GRK5: variants seen among roughly 807,000 people sequenced by gnomAD.
GRK5 encodes G protein-coupled receptor kinase 5, also known as g protein-coupled receptor kinase GRK5.
GRK5 carries 40 observed loss-of-function variants against 78.4 expected under a neutral mutation model. That is an observed-to-expected ratio of 0.51 (90% CI 0.40 to 0.66). The LOEUF (loss-of-function observed/expected upper bound fraction) is 0.66. GRK5 is among the 30% of genes least tolerant of loss of function. The pLI, the probability that GRK5 is intolerant of heterozygous loss-of-function variation, is 0.00. For missense variants in GRK5, 598 were observed against 759.9 expected, an observed-to-expected ratio of 0.79 and a Z score of 2.50; for synonymous variants, 289 against 296.8, an observed-to-expected ratio of 0.97 and a Z score of 0.27.
intron 1 of GRK5, among the ~76,000 whole-genome samples, chr10:119,293,610 A>T (rs1850023130): frequency 6.6e-6 from 1 of 152,216 alleles, no homozygotes; most frequent in Non-Finnish European, 1.5e-5. Context: ...AGTATCAGGC[A>T]AATTGGCTTC....
chr10:119,363,515 G>A (rs890496155), intron 2 of GRK5, among the ~76,000 whole-genome samples: 11 of 152,198 alleles, frequency 7.2e-5, no homozygotes, highest in African/African-American at 2.7e-4. Context: ...GCCTAAACAA[G>A]GTGGAAGCCG....
chr10:119,335,161 T>TCTCTCTCTCTCTCC (rs1850855101), intron 2 of GRK5, among the ~76,000 whole-genome samples: 1 of 141,670 alleles, frequency 7.1e-6, no homozygotes, highest in Non-Finnish European at 1.5e-5. Context: ...TCTCTCTCTC[T>TCTCTCTCTCTCTCC]CTCTCTCTCT....
intron 4 of GRK5, among the ~76,000 whole-genome samples, chr10:119,411,842 C>CTTTTTTTTTTTTT (rs10578557): frequency 0.013 from 1,283 of 95,846 alleles, 223 homozygotes; most frequent in Non-Finnish European, 0.018. Context: ...AGATCTGCTT[C>CTTTTTTTTTTTTT]TTTTTTTTTT....
chr10:119,394,829 G>GTC (rs1852015463), intron 3 of GRK5, among the ~76,000 whole-genome samples: 1 of 150,302 alleles, frequency 6.7e-6, no homozygotes, highest in African/African-American at 2.5e-5. Context: ...GTGTGTATCT[G>GTC]TGTCTGTGGG....
At chr10:119,325,744 C>T (rs1850664244) in intron 1 of GRK5, among the ~76,000 whole-genome samples, 1 of 152,204 alleles carries the variant, frequency 6.6e-6, no homozygotes, top group South Asian at 2.1e-4. Context: ...CACCCTGACA[C>T]CTGTCCATCA....
At chr10:119,389,158 T>C (rs921248419) in intron 3 of GRK5, among the ~76,000 whole-genome samples, 2 of 152,254 alleles carry the variant, frequency 1.3e-5, no homozygotes, top group Admixed American at 6.5e-5. Context: ...TGAAATCTCA[T>C]ATAGGAAATG....
At chr10:119,254,852 C>T (rs934066152) in intron 1 of GRK5, among the ~76,000 whole-genome samples, 4 of 151,974 alleles carry the variant, frequency 2.6e-5, no homozygotes, top group African/African-American at 4.8e-5. Flanking sequence ...GTCAGGAGTT[C>T]GAGACCAGCC....
chr10:119,370,672 C>T (rs948896572), intron 2 of GRK5, among the ~76,000 whole-genome samples: 2 of 152,242 alleles, frequency 1.3e-5, no homozygotes, highest in East Asian at 1.9e-4. Context: ...AGCAAACGCC[C>T]GATTGTTTTT....
intron 3 of GRK5, among the ~76,000 whole-genome samples, chr10:119,383,002 A>G (rs1851738143): frequency 6.6e-6 from 1 of 152,118 alleles, no homozygotes; most frequent in South Asian, 2.1e-4. Context: ...GCAGACTGCA[A>G]GCTCCGCCTC....
At chr10:119,321,486 A>G (rs1556711) in intron 1 of GRK5, among the ~76,000 whole-genome samples, 151,712 of 152,330 alleles carry the variant, frequency 1, 75,550 homozygotes, top group South Asian at 1. Context: ...GCCCCTTCCC[A>G]TCTTCCAAGC....
chr10:119,399,184 T>G (rs1852106568), intron 4 of GRK5, among the ~76,000 whole-genome samples: 1 of 152,238 alleles, frequency 6.6e-6, no homozygotes, highest in Non-Finnish European at 1.5e-5. Flanking sequence ...TTCTCCTCAA[T>G]TTAAAAAATT....
At chr10:119,351,925 C>T (rs187163376) in intron 2 of GRK5, among the ~76,000 whole-genome samples, 1 of 152,332 alleles carries the variant, frequency 6.6e-6, no homozygotes, top group East Asian at 1.9e-4. Flanking sequence ...TCTGTCAACT[C>T]CTGATCCTGA....
chr10:119,248,673 T>C (rs1849151898), intron 1 of GRK5, among the ~76,000 whole-genome samples: 1 of 152,000 alleles, frequency 6.6e-6, no homozygotes, highest in Non-Finnish European at 1.5e-5. Context: ...GTAGGGCCTG[T>C]GAGGCAAGAC....
chr10:119,353,247 C>T (rs1262627610), intron 2 of GRK5, among the ~76,000 whole-genome samples: 3 of 152,128 alleles, frequency 2.0e-5, no homozygotes, highest in Admixed American at 2.0e-4. Context: ...GATACAGCCC[C>T]TGTTTCTCCA....
intron 1 of GRK5, among the ~76,000 whole-genome samples, chr10:119,209,487 G>GT (rs60169912): frequency 0.13 from 13,183 of 97,712 alleles, 2,627 homozygotes; most frequent in Non-Finnish European, 0.19. Flanking sequence ...TGTGTGTGTG[G>GT]TTTTTTTTTT....
intron 3 of GRK5, among the ~76,000 whole-genome samples, chr10:119,394,271 T>G (rs966175292): frequency 5.7e-4 from 5 of 8,784 alleles, no homozygotes; most frequent in East Asian, 5.7e-3. Context: ...TGTGTGTGTG[T>G]GGGCGTGTGT....
intron 1 of GRK5, among the ~76,000 whole-genome samples, chr10:119,231,874 G>A (rs1466423864): frequency 6.6e-6 from 1 of 152,172 alleles, no homozygotes; most frequent in Non-Finnish European, 1.5e-5. Context: ...CTCATACACT[G>A]TTGGTGGGAA....
intron 2 of GRK5, 66 bp downstream of exon 2, chr10:119,326,677 C>A: frequency 7.9e-7 from 1 of 1,260,950 alleles, no homozygotes; most frequent in Non-Finnish European, 1.2e-6. Flanking sequence ...GCCGTTTGTG[C>A]ATTAAGGCAA....
rs1589807104 is a variant in GRK5 at position 119,431,652 on chromosome 10, C to T, written c.738+125C>T. ...CCCCTGGGAAGGGGAATGCCAGTGG[C>T]AGCGCTGAGCTACAGAAAGGCCGCA... On this transcript the variant is annotated intron_variant, in intron 8 of 15. Transcript: ENST00000392870. This position sits in a 1 kb window ranked among gnomAD's most constrained non-coding sequence, Gnocchi z 4.8. 3.5e-6 allele frequency: 4 copies of T among 1,129,644 alleles called. No homozygotes were observed. In the East Asian group the frequency reaches 7.8e-5, roughly 22 times the overall value. 70.0% of individuals were successfully genotyped at this position (1,129,644 alleles called of 1,614,324 possible).
Sources: gnomAD v4.1 joint callset for allele counts (sites outside exome capture counted in the v4.1 genomes callset) on GRCh38, gnomAD v4.1.1 for gene constraint, Gnocchi (gnomAD v3.1) non-coding constraint, MANE v1.5 for transcripts, NCBI Gene and HGNC (gene_info 2026-07-23, HGNC 2026-07-21) for gene names.